MID1: variants seen among roughly 807,000 people sequenced by gnomAD.
The protein encoded by MID1 is midline 1, also known as E3 ubiquitin-protein ligase Midline-1.
MID1 carries 7 observed loss-of-function variants against 40.4 expected under a neutral mutation model. The ratio of observed to expected loss-of-function variants is 0.17; its 90% CI spans 0.10 to 0.33. The LOEUF (loss-of-function observed/expected upper bound fraction) is 0.33. MID1 is among the 10% of genes least tolerant of loss of function. The pLI is 1.00. For missense variants in MID1, 367 were observed against 558.5 expected, an observed-to-expected ratio of 0.66 and a Z score of 3.46; for synonymous variants, 229 against 221.2, an observed-to-expected ratio of 1.04 and a Z score of -0.31.
chrX:10,794,298 C>T (rs956046307), intron 1 of MID1, among the ~76,000 whole-genome samples: 7 of 112,146 alleles, frequency 6.2e-5, no homozygotes, highest in Admixed American at 5.7e-4. Context: ...ATGTCTGAGA[C>T]AAGTTTCAGC....
At chrX:10,601,736 C>G (rs1237365067) in intron 1 of MID1, among the ~76,000 whole-genome samples, 3 of 111,162 alleles carry the variant, frequency 2.7e-5, no homozygotes. Context: ...TACATACACA[C>G]ACACGTACGT....
At chrX:10,736,126 C>T (rs2043485968) in intron 1 of MID1, among the ~76,000 whole-genome samples, 1 of 111,781 alleles carries the variant, frequency 8.9e-6, no homozygotes, top group Non-Finnish European at 1.9e-5. Flanking sequence ...CTACCGGCGC[C>T]TGCCACCACG....
chrX:10,511,144 C>T (rs1932130473), intron 3 of MID1, among the ~76,000 whole-genome samples: 1 of 106,194 alleles, frequency 9.4e-6, no homozygotes, highest in Non-Finnish European at 1.9e-5. Context: ...ACTCAGGAGG[C>T]TGAGACAGGA....
intron 1 of MID1, among the ~76,000 whole-genome samples, chrX:10,697,287 A>G (rs767227138): frequency 8.9e-6 from 1 of 111,911 alleles, no homozygotes; most frequent in African/African-American, 3.2e-5. Context: ...TAGCTCTTTA[A>G]TGATCCGTCC....
intron 1 of MID1, among the ~76,000 whole-genome samples, chrX:10,586,755 A>C (rs754360544): frequency 8.9e-6 from 1 of 112,767 alleles, no homozygotes; most frequent in African/African-American, 3.2e-5. Flanking sequence ...TTAGACATGC[A>C]GGCCAGCCTT....
chrX:10,471,711 G>T (rs1005940984), intron 6 of MID1, among the ~76,000 whole-genome samples: 3 of 112,077 alleles, frequency 2.7e-5, no homozygotes, highest in Non-Finnish European at 5.6e-5. Flanking sequence ...GATCACTCCT[G>T]CATGGACCAG....
chrX:10,808,689 T>G (rs1054879252), intron 1 of MID1, among the ~76,000 whole-genome samples: 4 of 111,928 alleles, frequency 3.6e-5, no homozygotes, highest in Non-Finnish European at 7.5e-5. Flanking sequence ...GGATTCCCTA[T>G]TTAATAAACG....
chrX:10,759,846 C>G (rs1220036010), intron 1 of MID1, among the ~76,000 whole-genome samples: 1 of 111,730 alleles, frequency 9.0e-6, no homozygotes, highest in Non-Finnish European at 1.9e-5. Context: ...CAAACAGATA[C>G]AAAAAATTTT....
chrX:10,449,021 C>T lies in MID1; in HGVS notation c.*347G>A. On this transcript the variant is annotated 3_prime_UTR_variant, in exon 10 of 10. Coordinates refer to ENST00000317552, the MANE Select transcript of MID1 (RefSeq NM_000381.4). ...AAGTTTTTGTTTTTTTGTAAGCCCACAGATTGTGATGAAATGAAGGTTGTA... is the reference window on the plus strand; with the variant it reads ...AAGTTTTTGTTTTTTTGTAAGCCCATAGATTGTGATGAAATGAAGGTTGTA... 5.4e-6 allele frequency: 1 copy of T among 186,817 alleles called. No homozygotes were observed. The highest frequency in any genetic ancestry group is 1.1e-4 in the East Asian group (1 of 9,078). The allele number at this position is 186,817 out of a possible 1,213,427, so 15.4% of individuals were successfully genotyped here.
intron 1 of MID1, among the ~76,000 whole-genome samples, chrX:10,658,428 T>TAAAA (rs35116185): frequency 3.6e-4 from 2 of 5,578 alleles, no homozygotes; most frequent in Non-Finnish European, 5.3e-4. Context: ...CCTTCAACTG[T>TAAAA]AAAAAAAAAA....
intron 2 of MID1, among the ~76,000 whole-genome samples, chrX:10,535,180 G>T (rs932866978): frequency 9.0e-6 from 1 of 111,652 alleles, no homozygotes; most frequent in Non-Finnish European, 1.9e-5. Flanking sequence ...CTTCCCAACC[G>T]GAGAGTATAA....
chrX:10,624,465 C>T (rs1035863147), upstream of MID1, among the ~76,000 whole-genome samples: 1 of 111,508 alleles, frequency 9.0e-6, no homozygotes, highest in Non-Finnish European at 1.9e-5. Flanking sequence ...TAATTCTATG[C>T]TTTTAAAGGT....
In MID1 at chrX:10,561,365, A is replaced by C. The variant is rs746055485; in HGVS notation, c.660+5523T>G. 9.9e-4 allele frequency among the ~76,000 whole-genome samples: 106 copies of C among 107,170 alleles called. 2 individuals carry two copies. The highest frequency in any genetic ancestry group is 1.8e-3 in the Non-Finnish European group (96 of 52,797). 93.1% of individuals were successfully genotyped at this position (107,170 alleles called of 115,157 possible). A position where few individuals can be genotyped will look rare whatever the true frequency, so the allele number is the denominator to read the frequency against. The stretch of plus-strand genomic sequence containing the variant: ...ATGGCAACAAAAGCCAAAATTGACA[A>C]ATGGGATCTAATTAAACTAAAGAGC... On this transcript the variant is annotated intron_variant, in intron 2 of 9. Coordinates refer to ENST00000317552, the MANE Select transcript of MID1 (RefSeq NM_000381.4).
At chrX:10,739,653 G>A (rs2043509006) in intron 1 of MID1, among the ~76,000 whole-genome samples, 1 of 112,175 alleles carries the variant, frequency 8.9e-6, no homozygotes, top group Admixed American at 9.5e-5. Flanking sequence ...AATGGGTTGG[G>A]TGGAATGTGG....
intron 1 of MID1, among the ~76,000 whole-genome samples, chrX:10,663,949 C>A (rs1188267255): frequency 9.0e-6 from 1 of 111,503 alleles, no homozygotes; most frequent in Non-Finnish European, 1.9e-5. Context: ...CCCTACACAC[C>A]CATATACATG....
rs200040870 is a variant in MID1, at chrX:10,461,138, T to TACAC, written c.1286-1335_1286-1332dup. 4.2e-3 allele frequency among the ~76,000 whole-genome samples: 409 copies of TACAC among 96,791 alleles called. 4 individuals carry two copies. Among genetic ancestry groups the TACAC allele is most frequent in the African/African-American group, 0.012 (300 of 25,593 alleles). The allele number at this position is 96,791 out of a possible 115,157, so 84.1% of individuals were successfully genotyped here. A position where few individuals can be genotyped will look rare whatever the true frequency, so the allele number is the denominator to read the frequency against. ...TATATCATCTAAAGATATCTAAAGA[T>TACAC]ACACACACACACACACACACACACA... is the stretch of plus-strand genomic sequence containing the variant. On this transcript the variant is annotated intron_variant, in intron 7 of 9. Coordinates refer to ENST00000317552, the MANE Select transcript of MID1 (RefSeq NM_000381.4).
intron 4 of MID1, among the ~76,000 whole-genome samples, chrX:10,493,488 AG>A (rs1449911144): frequency 8.9e-6 from 1 of 112,259 alleles, no homozygotes; most frequent in Non-Finnish European, 1.9e-5. Context: ...ACCAAGTTTA[AG>A]GTAATTTGTT....
intron 1 of MID1, among the ~76,000 whole-genome samples, chrX:10,803,392 G>A (rs1027431169): frequency 5.3e-5 from 5 of 93,882 alleles, no homozygotes; most frequent in African/African-American, 1.6e-4. Flanking sequence ...TTGATCTGTC[G>A]CCCAGGCTGG....
chrX:10,760,767 A>T (rs2043672477), intron 1 of MID1, among the ~76,000 whole-genome samples: 2 of 111,741 alleles, frequency 1.8e-5, no homozygotes, highest in African/African-American at 6.5e-5. Context: ...TGCTGCAGTG[A>T]GCTATGATTA....
Sources: allele counts gnomAD v4.1 joint callset (sites outside exome capture counted in the v4.1 genomes callset), GRCh38; gene constraint gnomAD v4.1.1; transcripts MANE v1.5; gene names NCBI Gene and HGNC (gene_info 2026-07-23, HGNC 2026-07-21).